The following CHD9 variants were observed in gnomAD, a reference collection of about 807,000 sequenced individuals.
CHD9 encodes the protein chromodomain helicase DNA binding protein 9.
A neutral mutation model predicts 316.1 loss-of-function variants in CHD9; 77 were observed. That is an observed-to-expected ratio of 0.24 (90% CI 0.20 to 0.29). CHD9 has a LOEUF of 0.29. CHD9 is among the 10% of genes least tolerant of loss of function. The probability of loss-of-function intolerance (pLI) is 1.00; values close to 1 mark genes in which losing one functional copy is unlikely to be tolerated. For missense variants in CHD9, 2,763 were observed against 3,438.1 expected (o/e 0.80, Z 4.91); for synonymous variants, 1,129 against 1,158.3 (o/e 0.97, Z 0.51).
At chr16:53,278,346 C>A (rs1013401061) in intron 24 of CHD9, among the ~76,000 whole-genome samples, 1 of 152,166 alleles carries the variant, frequency 6.6e-6, no homozygotes, top group African/African-American at 2.4e-5. Flanking sequence ...ATCACATTAC[C>A]TGATTTCAAG....
intron 30 of CHD9, among the ~76,000 whole-genome samples, chr16:53,301,145 T>G (rs1241788657): frequency 6.6e-6 from 1 of 152,208 alleles, no homozygotes; most frequent in Admixed American, 6.5e-5. Flanking sequence ...GAATATAAAA[T>G]AAATGGGACA....
chr16:53,239,220 A>G (rs910674873), intron 12 of CHD9, among the ~76,000 whole-genome samples: 3 of 152,104 alleles, frequency 2.0e-5, no homozygotes, highest in African/African-American at 4.8e-5. Flanking sequence ...GGGATTTCCT[A>G]TCCCTTCTAA....
At position 53,197,877 on chromosome 16, in the gene CHD9, C is replaced by T. The variant is rs113554007; in HGVS notation, c.1453-11605C>T. 7.0e-3 allele frequency among the ~76,000 whole-genome samples: 1,067 copies of T among 152,108 alleles called. 9 individuals carry two copies. Among genetic ancestry groups the T allele is most frequent in the African/African-American group, 0.011 (466 of 41,488 alleles). On this transcript the variant is annotated intron_variant, in intron 2 of 38. Coordinates refer to ENST00000447540, the MANE Select transcript of CHD9 (RefSeq NM_001308319.2). ...TTCACCATGTTGGCCAGGCTGGTCT[C>T]GAACTACTGACCTCAGGTGATCTGC...
At chr16:53,285,444 T>C (rs2053787905) in intron 24 of CHD9, among the ~76,000 whole-genome samples, 152 bp from the exon 25 acceptor site, 1 of 149,254 alleles carries the variant, frequency 6.7e-6, no homozygotes, top group South Asian at 2.2e-4. Context: ...AATTTCGTAA[T>C]TTTAATTGGT....
chr16:53,293,717 G>A (rs553744456), intron 29 of CHD9, among the ~76,000 whole-genome samples: 142 of 152,250 alleles, frequency 9.3e-4, no homozygotes, highest in African/African-American at 3.0e-3. Context: ...TTGGGAGGCC[G>A]AGGTGGGTGA....
chr16:53,090,928 C>T (rs1287772888), intron 1 of CHD9, among the ~76,000 whole-genome samples: 1 of 37,014 alleles, frequency 2.7e-5, no homozygotes, highest in Non-Finnish European at 6.1e-5. Context: ...TGCCTGCCCA[C>T]CATGCTCTCA....
intron 1 of CHD9, among the ~76,000 whole-genome samples, chr16:53,079,402 C>A (rs1222945252): frequency 6.6e-6 from 1 of 152,236 alleles, no homozygotes; most frequent in African/African-American, 2.4e-5. Flanking sequence ...ACGTTCTAAT[C>A]TGACATCTGG....
chr16:53,059,411 C>T (rs962005296), intron 1 of CHD9, among the ~76,000 whole-genome samples: 1 of 152,108 alleles, frequency 6.6e-6, no homozygotes, highest in East Asian at 1.9e-4. Context: ...CAAGACTAGC[C>T]TGGGCAACAT....
intron 24 of CHD9, among the ~76,000 whole-genome samples, chr16:53,276,362 A>T (rs1404132286): frequency 6.6e-6 from 1 of 152,168 alleles, no homozygotes; most frequent in Non-Finnish European, 1.5e-5. Context: ...CTCAAAAGAG[A>T]TTAAACATCT....
At chr16:53,225,041 T>C (rs1315740943) in intron 4 of CHD9, among the ~76,000 whole-genome samples, 1 of 152,196 alleles carries the variant, frequency 6.6e-6, no homozygotes, top group East Asian at 1.9e-4. Flanking sequence ...CTAGTACATT[T>C]GGCTGACCAT....
At chr16:53,312,307 A>G (rs2056534771) in intron 34 of CHD9, among the ~76,000 whole-genome samples, 1 of 152,216 alleles carries the variant, frequency 6.6e-6, no homozygotes, top group Non-Finnish European at 1.5e-5. Context: ...ATTAGACAAT[A>G]CATTCAATAT....
intron 2 of CHD9, among the ~76,000 whole-genome samples, chr16:53,203,121 A>G (rs888184291): frequency 4.6e-5 from 7 of 152,148 alleles, no homozygotes; most frequent in African/African-American, 1.4e-4. Context: ...CTACAAATCT[A>G]TTGTTTTTAG....
intron 2 of CHD9, among the ~76,000 whole-genome samples, chr16:53,194,179 T>A (rs1366193491): frequency 6.6e-6 from 1 of 151,576 alleles, no homozygotes; most frequent in African/African-American, 2.4e-5. Flanking sequence ...TGAGCTGTGA[T>A]CATGCCACTG....
At chr16:53,146,563 C>T (rs8059141) in intron 1 of CHD9, among the ~76,000 whole-genome samples, 46,732 of 149,152 alleles carry the variant, frequency 0.31, 7,449 homozygotes, top group Middle Eastern at 0.39. Flanking sequence ...GTTGTGAGGC[C>T]GAGGCGGGTG....
At chr16:53,177,921 C>T (rs1479307570) in intron 2 of CHD9, among the ~76,000 whole-genome samples, 1 of 152,202 alleles carries the variant, frequency 6.6e-6, no homozygotes, top group African/African-American at 2.4e-5. Flanking sequence ...CCCCAAGAGG[C>T]CTCATGAATA....
In CHD9 at chr16:53,156,791, G is replaced by A. The variant is rs374223041; in HGVS notation, c.702G>A (p.Thr234=). ...TTTCAATGCAGCAATTTTCTCAAAC[G>A]TCAAATCCTTCAGCACACTTCCACA... The part of the protein sequence containing the change: ...QSISMQQFSQ[T]SNPSAHFHKC... The change falls in exon 2 of 39, where the codon ACG becomes ACA. Residue 234 remains threonine (T), a synonymous_variant. Transcript: ENST00000447540. 41 of 1,613,626 alleles carry A rather than the reference G, an allele frequency of 2.5e-5. No individual in the cohort carries two copies. The highest frequency in any genetic ancestry group is 8.9e-5 in the East Asian group (4 of 44,888).
intron 2 of CHD9, among the ~76,000 whole-genome samples, chr16:53,172,955 T>C (rs2042873949): frequency 6.6e-6 from 1 of 152,202 alleles, no homozygotes; most frequent in Admixed American, 6.5e-5. Flanking sequence ...GTTGCCTTTT[T>C]TTTTCTTAAC....
chr16:53,140,183 G>C (rs536691697), intron 1 of CHD9, among the ~76,000 whole-genome samples: 16 of 151,452 alleles, frequency 1.1e-4, no homozygotes, highest in African/African-American at 3.9e-4. Flanking sequence ...TAGGCCGGGA[G>C]TGGTGGCTTA....
rs558109156 is a variant in CHD9 at position 53,273,735 on chromosome 16, G to A, written c.4827G>A (p.Gln1609=). 2.0e-5 allele frequency: 33 copies of A among 1,613,292 alleles called. No homozygotes were observed. The South Asian group carries it at 3.4e-4, about 17-fold the overall frequency. Residue 1609 remains glutamine (Q), a synonymous_variant, in exon 23 of 39, where the codon CAG becomes CAA. Transcript: ENST00000447540. ...AEWLRKYNPE[Q]LLQDEGYKKH... ...GGCTTCGAAAATATAATCCCGAGCA[G>A]CTCCTTCAAGATGAAGGCTACAAAA...
Sources: allele counts gnomAD v4.1 joint callset (sites outside exome capture counted in the v4.1 genomes callset), GRCh38; gene constraint gnomAD v4.1.1; transcripts MANE v1.5; gene names NCBI Gene and HGNC (gene_info 2026-07-23, HGNC 2026-07-21).